The following CES1 variants were observed in gnomAD, a reference collection of about 807,000 sequenced individuals.
CES1 encodes the protein carboxylesterase 1, also known as liver carboxylesterase 1.
Under a neutral mutation model 53.0 loss-of-function variants are expected in CES1, and 50 were observed. That is an observed-to-expected ratio of 0.94 (90% confidence interval 0.75 to 1.19). The LOEUF is 1.19. Among genes scored for constraint, CES1 ranks in the 50% most tolerant of loss-of-function variants. The pLI, the probability that CES1 is intolerant of heterozygous loss-of-function variation, is 0.00. For synonymous variants in CES1, 202 were observed against 210.1 expected (o/e 0.96, Z 0.33); for missense variants, 534 against 538.0 (o/e 0.99, Z 0.07).
Position 55,821,397 on chromosome 16 carries a change from A to G in CES1, c.664T>C (p.Ser222Pro). Residue 222 changes from serine to proline, a missense_variant, in exon 5 of 14, where the codon TCA becomes CCA. Coordinates refer to ENST00000360526, the MANE Select transcript of CES1 (RefSeq NM_001025195.2). ...ACAGAGACACTTTCTCCTCCCGCTG[A>G]CTCTCCAAAGATGGTCACAGAGCCT... Reference protein sequence around the residue: ...NPGSVTIFGESAGGESVSVLV... With the variant: ...NPGSVTIFGEPAGGESVSVLV... The G allele has an allele frequency of 6.2e-7, 1 of 1,613,988 alleles. No individual in the cohort carries two copies. The highest frequency in any genetic ancestry group is 8.5e-7 in the Non-Finnish European group (1 of 1,180,020).
intron 9 of CES1, among the ~76,000 whole-genome samples, chr16:55,811,956 C>T (rs1597067943): frequency 6.6e-6 from 1 of 152,178 alleles, no homozygotes; most frequent in African/African-American, 2.4e-5. Context: ...TTTGTTTCTG[C>T]CCCAGGTGAG....
chr16:55,808,954 A>C (rs1294805364), intron 11 of CES1, among the ~76,000 whole-genome samples: 7 of 152,120 alleles, frequency 4.6e-5, no homozygotes, highest in African/African-American at 1.4e-4. Context: ...TGAGTGATAC[A>C]TAGTTTCTTC....
At chr16:55,819,225 G>C (rs573967912) in intron 7 of CES1, among the ~76,000 whole-genome samples, 13 of 152,326 alleles carry the variant, frequency 8.5e-5, no homozygotes, top group Admixed American at 4.6e-4. Context: ...CCAAATTCAG[G>C]ATGATGGTGT....
intron 1 of CES1, among the ~76,000 whole-genome samples, chr16:55,830,525 C>T (rs1291539778): frequency 5.9e-5 from 9 of 152,062 alleles, no homozygotes; most frequent in Non-Finnish European, 1.3e-4. Flanking sequence ...GACTTGGAGA[C>T]CAGGCACAGT....
intron 6 of CES1, among the ~76,000 whole-genome samples, 191 bp from the exon 7 acceptor site, chr16:55,819,830 T>C (rs1240701052): frequency 6.6e-6 from 1 of 152,216 alleles, no homozygotes; most frequent in Non-Finnish European, 1.5e-5. Flanking sequence ...AATTGTAACA[T>C]GGGTCAATTA....
chr16:55,818,563 C>T (rs1244264120), intron 7 of CES1, among the ~76,000 whole-genome samples: 5 of 152,064 alleles, frequency 3.3e-5, no homozygotes, highest in Non-Finnish European at 7.4e-5. Flanking sequence ...GGCTCCTCCG[C>T]CTTCTCTGTG....
chr16:55,822,285 G>A (rs1422943345), intron 4 of CES1, among the ~76,000 whole-genome samples: 4 of 152,252 alleles, frequency 2.6e-5, no homozygotes, highest in African/African-American at 9.6e-5. Context: ...AAGTGGCAGG[G>A]ATCTGAAAGT....
At chr16:55,821,167 T>C (rs1250820766) in intron 5 of CES1, among the ~76,000 whole-genome samples, 2 of 152,094 alleles carry the variant, frequency 1.3e-5, no homozygotes, top group Non-Finnish European at 2.9e-5. Flanking sequence ...CCCAGGACAC[T>C]AAGCTGAGCT....
chr16:55,810,718 C>T (rs2031652157), intron 10 of CES1, 54 bp from the exon 11 acceptor site: 2 of 1,600,810 alleles, frequency 1.2e-6, no homozygotes, highest in East Asian at 2.2e-5. Context: ...GCAGCTTCTC[C>T]AGCCCACCAG....
chr16:55,830,810 G>GC, intron 1 of CES1, among the ~76,000 whole-genome samples: 1 of 150,720 alleles, frequency 6.6e-6, no homozygotes, highest in African/African-American at 2.5e-5. Context: ...AGGAAGGAAG[G>GC]AAGGAAGGAA....
intron 2 of CES1, among the ~76,000 whole-genome samples, chr16:55,826,718 C>T (rs777782416): frequency 3.9e-5 from 6 of 152,174 alleles, no homozygotes; most frequent in East Asian, 1.9e-4. Context: ...TTACACTCTG[C>T]GTCCCAATCC....
intron 1 of CES1, among the ~76,000 whole-genome samples, chr16:55,829,621 G>C (rs1281909086): frequency 6.6e-6 from 1 of 152,224 alleles, no homozygotes; most frequent in Non-Finnish European, 1.5e-5. Flanking sequence ...CTGGGGAAGG[G>C]GGCATGGCCC....
intron 7 of CES1, among the ~76,000 whole-genome samples, chr16:55,817,929 T>A (rs1337638750): frequency 6.6e-6 from 1 of 152,226 alleles, no homozygotes; most frequent in Middle Eastern, 3.2e-3. Flanking sequence ...GGTCCTCTGA[T>A]GCCACATGCA....
chr16:55,810,617 T>C lies in CES1; in HGVS notation c.1218A>G (p.Gly406=), dbSNP rs751984783. The change falls in exon 11 of 14, where the codon GGA becomes GGG. Residue 406 remains glycine (G), a synonymous_variant. Coordinates refer to ENST00000360526, the MANE Select transcript of CES1 (RefSeq NM_001025195.2). ...LIPEATEKYL[G]GTDDTVKKKD... ...TCTTTTTGACAGTGTCGTCTGTTCC[T>C]CCTAAGTATTTCTCAGTGGCTTCTG... 130 of 1,614,110 alleles carry C rather than the reference T, an allele frequency of 8.1e-5. No homozygotes were observed. The South Asian group carries it at 1.3e-3, about 16-fold the overall frequency.
chr16:55,814,953 A>G (rs1320622616), intron 8 of CES1, among the ~76,000 whole-genome samples: 2 of 152,232 alleles, frequency 1.3e-5, no homozygotes, highest in Non-Finnish European at 2.9e-5. Context: ...CTGCTGTGGG[A>G]GGCCAGCAAG....
intron 5 of CES1, 144 bp from the exon 6 acceptor site, chr16:55,820,623 A>C: frequency 7.5e-6 from 10 of 1,342,112 alleles, no homozygotes; most frequent in Non-Finnish European, 1.0e-5. Flanking sequence ...TGCCCACCTC[A>C]AGGAGGTGGA....
chr16:55,832,428 C>T (rs549126871), intron 1 of CES1, among the ~76,000 whole-genome samples: 4 of 152,310 alleles, frequency 2.6e-5, no homozygotes, highest in South Asian at 4.1e-4. Context: ...TTATCCATCC[C>T]TTTTTCGTGC....
At chr16:55,816,791 C>A in intron 8 of CES1, 133 bp downstream of exon 8, 1 of 1,136,554 alleles carries the variant, frequency 8.8e-7, no homozygotes, top group Non-Finnish European at 1.3e-6. Flanking sequence ...GTCACTACCC[C>A]TCTCTGGGCC....
At chr16:55,824,264 A>C (rs1456952871) in intron 3 of CES1, among the ~76,000 whole-genome samples, 3 of 152,284 alleles carry the variant, frequency 2.0e-5, no homozygotes, top group South Asian at 2.1e-4. Context: ...GCCTTCAGTC[A>C]ATGGACTAAC....
Sources: gnomAD v4.1 joint callset for allele counts (sites outside exome capture counted in the v4.1 genomes callset) on GRCh38, gnomAD v4.1.1 for gene constraint, MANE v1.5 for transcripts, NCBI Gene and HGNC (gene_info 2026-07-23, HGNC 2026-07-21) for gene names.